The following MAP3K5 variants were observed in gnomAD, a reference collection of about 807,000 sequenced individuals.
MAP3K5 encodes ASK-1.
A neutral mutation model predicts 158.7 loss-of-function variants in MAP3K5; 56 were observed. That is an observed-to-expected ratio of 0.35 (90% CI 0.28 to 0.44). The LOEUF is 0.44. MAP3K5 is among the 20% of genes least tolerant of loss of function. The pLI is 1.00. For missense variants in MAP3K5, 1,294 were observed against 1,674.8 expected (o/e 0.77, Z 3.97); for synonymous variants, 579 against 601.7 (o/e 0.96, Z 0.55).
chr6:136,669,787 T>C (rs1283220775), intron 7 of MAP3K5, among the ~76,000 whole-genome samples: 2 of 152,182 alleles, frequency 1.3e-5, no homozygotes, highest in Non-Finnish European at 2.9e-5. Flanking sequence ...GTTAGAAAGC[T>C]ATGTAGTCAT....
chr6:136,655,012 C>T (rs1295172094), intron 10 of MAP3K5, among the ~76,000 whole-genome samples: 3 of 152,056 alleles, frequency 2.0e-5, no homozygotes, highest in Non-Finnish European at 4.4e-5. Flanking sequence ...CTCCTAACTT[C>T]TCAATATTTT....
intron 3 of MAP3K5, among the ~76,000 whole-genome samples, chr6:136,700,095 T>C (rs1478870939): frequency 6.9e-6 from 1 of 145,448 alleles, no homozygotes; most frequent in African/African-American, 2.6e-5. Flanking sequence ...AATGAACAAA[T>C]GAAAGAAGGA....
intron 23 of MAP3K5, 80 bp downstream of exon 23, chr6:136,592,093 A>T: frequency 7.4e-7 from 1 of 1,344,584 alleles, no homozygotes; most frequent in East Asian, 2.3e-5. Flanking sequence ...CTTTCACATC[A>T]TCTGTGACAG....
chr6:136,571,233 A>G (rs372133939), intron 25 of MAP3K5, among the ~76,000 whole-genome samples: 11 of 152,246 alleles, frequency 7.2e-5, no homozygotes, highest in African/African-American at 2.2e-4. Context: ...CTGTCACTCA[A>G]TTAGATTCTA....
intron 1 of MAP3K5, among the ~76,000 whole-genome samples, chr6:136,786,679 T>C (rs1348655389): frequency 6.6e-6 from 1 of 151,726 alleles, no homozygotes; most frequent in Non-Finnish European, 1.5e-5. Flanking sequence ...TATAGTTAAA[T>C]AGTAAACAGA....
chr6:136,568,772 C>G (rs1774231019), intron 25 of MAP3K5, among the ~76,000 whole-genome samples: 1 of 147,282 alleles, frequency 6.8e-6, no homozygotes, highest in African/African-American at 2.5e-5. Flanking sequence ...GTAGGAGAAT[C>G]ACTTGAACCC....
intron 6 of MAP3K5, 79 bp downstream of exon 6, chr6:136,695,872 T>C (rs1780580820): frequency 2.5e-6 from 2 of 794,284 alleles, no homozygotes; most frequent in Non-Finnish European, 4.2e-6. Flanking sequence ...AATGCTGCAG[T>C]GAACACATTC....
chr6:136,570,168 C>T (rs1356919205), intron 25 of MAP3K5, among the ~76,000 whole-genome samples: 1 of 152,180 alleles, frequency 6.6e-6, no homozygotes, highest in Non-Finnish European at 1.5e-5. Context: ...TGGAGGACCC[C>T]ATCCCACCAT....
At chr6:136,759,019 A>G (rs1025846632) in intron 1 of MAP3K5, among the ~76,000 whole-genome samples, 2 of 152,130 alleles carry the variant, frequency 1.3e-5, no homozygotes, top group African/African-American at 4.8e-5. Flanking sequence ...TCAAAAATAC[A>G]AAAAAGTAGC....
At chr6:136,708,866 G>C (rs992264583) in intron 2 of MAP3K5, among the ~76,000 whole-genome samples, 1 of 152,118 alleles carries the variant, frequency 6.6e-6, no homozygotes, top group African/African-American at 2.4e-5. Context: ...CAAACCATAC[G>C]CTTGCAAATA....
In MAP3K5 at chr6:136,558,840, A is replaced by G; in HGVS notation, c.4024T>C (p.Tyr1342His). 1 of 1,604,980 alleles carries G rather than the reference A, an allele frequency of 6.2e-7. No individual in the cohort carries two copies. The highest frequency in any genetic ancestry group is 2.2e-5 in the East Asian group (1 of 44,794). ...AEDYTLLDVL[Y>H]YVTRDDLKCL... ...TTTAAGTCATCACGTGTAACATAGT[A>G]GAGAACATCCAATAGTGTATAATCT... is the stretch of plus-strand genomic sequence containing the variant. Residue 1342 changes from tyrosine to histidine, a missense_variant, in exon 29 of 30, where the codon TAC (tyrosine) becomes CAC (histidine). Physicochemically the swap from Tyr to His is moderately conservative, Grantham distance 83. This residue lies in a region of MAP3K5 where 199 missense variants were observed against 220.3 expected (regional missense o/e 0.90). Coordinates refer to ENST00000359015, the MANE Select transcript of MAP3K5 (RefSeq NM_005923.4).
chr6:136,606,182 C>A (rs1163953266), intron 18 of MAP3K5, among the ~76,000 whole-genome samples: 1 of 152,158 alleles, frequency 6.6e-6, no homozygotes, highest in African/African-American at 2.4e-5. Flanking sequence ...GAAACCCTGT[C>A]TCTACTAAAA....
At chr6:136,736,058 T>C (rs1168485771) in intron 1 of MAP3K5, among the ~76,000 whole-genome samples, 1 of 152,184 alleles carries the variant, frequency 6.6e-6, no homozygotes, top group Non-Finnish European at 1.5e-5. Context: ...TGAAATCCAG[T>C]TGCATACTAT....
chr6:136,592,246 C>T lies in MAP3K5; in HGVS notation c.3152G>A (p.Arg1051Gln). ...FFMLRKDSER[R>Q]ATLHRILTED... ...CGTCAGGATCCTGTGAAGGGTAGCT[C>T]GCCTCTCACTGTCCTTCCTCAGCAT... is the stretch of plus-strand genomic sequence containing the variant. Residue 1051 changes from arginine to glutamine, a missense_variant, in exon 23 of 30, where the codon CGA (arginine) becomes CAA (glutamine). Physicochemically the swap from Arg to Gln is conservative, Grantham distance 43. This residue lies in a region of MAP3K5 where 362 missense variants were observed against 463.2 expected (regional missense o/e 0.78). Coordinates refer to ENST00000359015, the MANE Select transcript of MAP3K5 (RefSeq NM_005923.4). The T allele has an allele frequency of 1.2e-6, 2 of 1,612,428 alleles. No homozygotes were observed. The highest frequency in any genetic ancestry group is 1.7e-6 in the Non-Finnish European group (2 of 1,179,332).
At chr6:136,674,235 A>G (rs1224761849) in intron 7 of MAP3K5, among the ~76,000 whole-genome samples, 1 of 152,086 alleles carries the variant, frequency 6.6e-6, no homozygotes, top group Non-Finnish European at 1.5e-5. Flanking sequence ...AAGGAAAGTG[A>G]TTTCATTTGG....
chr6:136,630,487 T>C (rs1056240826), intron 14 of MAP3K5: 6 of 152,214 alleles, frequency 3.9e-5, no homozygotes, highest in African/African-American at 1.4e-4. Flanking sequence ...AAGATGATTT[T>C]AGGCTGAAAA....
At chr6:136,686,380 T>C (rs551782747) in intron 7 of MAP3K5, among the ~76,000 whole-genome samples, 103 of 152,262 alleles carry the variant, frequency 6.8e-4, no homozygotes, top group African/African-American at 2.4e-3. Context: ...GGACGGCCTC[T>C]CTCACCACTC....
chr6:136,783,770 T>C (rs1368927952), intron 1 of MAP3K5, among the ~76,000 whole-genome samples: 1 of 152,152 alleles, frequency 6.6e-6, no homozygotes, highest in African/African-American at 2.4e-5. Context: ...CAATAATGCA[T>C]TTTCCTATGG....
chr6:136,651,205 T>C (rs1317835168), intron 10 of MAP3K5, 114 bp from the exon 11 acceptor site: 2 of 570,470 alleles, frequency 3.5e-6, no homozygotes, highest in Non-Finnish European at 6.3e-6. Flanking sequence ...CTTCTGAATC[T>C]GTTCCTGGAG....
Sources: gnomAD v4.1 joint callset for allele counts (sites outside exome capture counted in the v4.1 genomes callset) on GRCh38, gnomAD v4.1.1 for gene constraint, gnomAD v4.1.1 regional missense constraint, MANE v1.5 for transcripts, NCBI Gene and HGNC (gene_info 2026-07-23, HGNC 2026-07-21) for gene names.